STXBP6: variants seen among roughly 807,000 people sequenced by gnomAD.
The protein encoded by STXBP6 is syntaxin binding protein 6, also known as syntaxin-binding protein 6.
In STXBP6, 21 loss-of-function variants were observed where a neutral mutation model predicts 26.9. That is an observed-to-expected ratio of 0.78 (90% CI 0.55 to 1.12). The LOEUF (loss-of-function observed/expected upper bound fraction) is 1.12. Among genes scored for constraint, STXBP6 ranks in the 50% most tolerant of loss-of-function variants. The pLI is 0.00. For synonymous variants in STXBP6, 97 were observed against 92.6 expected, an observed-to-expected ratio of 1.05 and a Z score of -0.27; for missense variants, 232 against 257.9, an observed-to-expected ratio of 0.90 and a Z score of 0.69.
intron 2 of STXBP6, among the ~76,000 whole-genome samples, chr14:24,915,779 T>C (rs1306477358): frequency 6.6e-6 from 1 of 152,072 alleles, no homozygotes. Flanking sequence ...AATCAATCAC[T>C]CCCTCTCTCA....
intron 2 of STXBP6, among the ~76,000 whole-genome samples, chr14:24,964,851 T>C (rs533902708): frequency 6.6e-6 from 1 of 152,294 alleles, no homozygotes; most frequent in African/African-American, 2.4e-5. Context: ...TTAATTTTTC[T>C]TTTGATCCAG....
intron 2 of STXBP6, among the ~76,000 whole-genome samples, chr14:24,965,692 C>T (rs61978831): frequency 0.12 from 18,094 of 152,108 alleles, 1,195 homozygotes; most frequent in African/African-American, 0.18. Flanking sequence ...ATTTCAAAGA[C>T]ATGAAGAGCT....
At chr14:24,868,941 A>G (rs2069823522) in intron 2 of STXBP6, among the ~76,000 whole-genome samples, 2 of 152,158 alleles carry the variant, frequency 1.3e-5, no homozygotes, top group Non-Finnish European at 1.5e-5. Context: ...ATTGAACATC[A>G]CATTTTGCAT....
At chr14:24,914,601 G>T (rs143056637) in intron 2 of STXBP6, among the ~76,000 whole-genome samples, 301 of 152,218 alleles carry the variant, frequency 2.0e-3, no homozygotes, top group Non-Finnish European at 3.4e-3. Flanking sequence ...TATCCTGAAT[G>T]CCAGGGCCGC....
At chr14:24,859,700 A>G (rs1363140361) in intron 2 of STXBP6, among the ~76,000 whole-genome samples, 4 of 152,164 alleles carry the variant, frequency 2.6e-5, no homozygotes, top group African/African-American at 9.6e-5. Flanking sequence ...CAGTAATATC[A>G]TAGAGCTGCA....
intron 2 of STXBP6, among the ~76,000 whole-genome samples, chr14:24,891,574 A>G (rs1323965458): frequency 6.6e-6 from 1 of 152,260 alleles, no homozygotes; most frequent in East Asian, 1.9e-4. Flanking sequence ...AGAATTCCTT[A>G]TGAATACTAT....
chr14:24,940,257 A>G (rs898125040), intron 2 of STXBP6, among the ~76,000 whole-genome samples: 1 of 152,204 alleles, frequency 6.6e-6, no homozygotes, highest in Non-Finnish European at 1.5e-5. Context: ...GAAGCAAAGG[A>G]GAAGGATGGT....
chr14:24,915,055 G>C (rs2071711764), intron 2 of STXBP6, among the ~76,000 whole-genome samples: 1 of 152,096 alleles, frequency 6.6e-6, no homozygotes, highest in Non-Finnish European at 1.5e-5. Context: ...AGGAATCACA[G>C]ATGAGGACAA....
intron 2 of STXBP6, among the ~76,000 whole-genome samples, chr14:24,891,958 A>G (rs1045962498): frequency 1.3e-5 from 2 of 152,220 alleles, no homozygotes; most frequent in Non-Finnish European, 2.9e-5. Context: ...CAAGAGCCAC[A>G]TACCCTGGAA....
intron 4 of STXBP6, among the ~76,000 whole-genome samples, chr14:24,828,750 C>T (rs1197009944): frequency 6.6e-6 from 1 of 152,138 alleles, no homozygotes; most frequent in African/African-American, 2.4e-5. Flanking sequence ...TTGCATCTCC[C>T]AGGGGAAGAA....
At chr14:24,927,072 T>C (rs186339469) in intron 2 of STXBP6, among the ~76,000 whole-genome samples, 35 of 152,172 alleles carry the variant, frequency 2.3e-4, no homozygotes, top group Admixed American at 1.0e-3. Context: ...GGCAGAGAAA[T>C]AGAGGTATAA....
chr14:24,999,808 T>C (rs1174216584), intron 1 of STXBP6, among the ~76,000 whole-genome samples: 1 of 152,052 alleles, frequency 6.6e-6, no homozygotes, highest in Non-Finnish European at 1.5e-5. Flanking sequence ...AAAAACAAGT[T>C]CACAGGAGTA....
intron 2 of STXBP6, among the ~76,000 whole-genome samples, chr14:24,965,994 T>C (rs1183923188): frequency 1.3e-5 from 2 of 152,202 alleles, no homozygotes; most frequent in Non-Finnish European, 2.9e-5. Context: ...GCTGCCTTAG[T>C]TTGCAATCTC....
At chr14:24,905,110 GT>G (rs1261077464) in intron 2 of STXBP6, among the ~76,000 whole-genome samples, 2 of 152,088 alleles carry the variant, frequency 1.3e-5, no homozygotes, top group African/African-American at 4.8e-5. Context: ...ATCTTCCATG[GT>G]TTGTATAAGT....
At chr14:24,860,908 T>A (rs854335) in intron 2 of STXBP6, among the ~76,000 whole-genome samples, 3 of 150,760 alleles carry the variant, frequency 2.0e-5, no homozygotes, top group African/African-American at 4.9e-5. Context: ...ACAATCAGTA[T>A]ATACCACCTC....
At chr14:24,928,653 T>C (rs2072270800) in intron 2 of STXBP6, among the ~76,000 whole-genome samples, 1 of 152,090 alleles carries the variant, frequency 6.6e-6, no homozygotes, top group South Asian at 2.1e-4. Flanking sequence ...AGAGCCGAAA[T>C]CATTTAGTAT....
At chr14:24,833,041 C>A (rs2068503105) in intron 4 of STXBP6, among the ~76,000 whole-genome samples, 1 of 152,186 alleles carries the variant, frequency 6.6e-6, no homozygotes, top group Admixed American at 6.5e-5. Flanking sequence ...GATTTGAATT[C>A]CAGTCTGGTT....
chr14:24,965,210 T>A (rs2073695169), intron 2 of STXBP6, among the ~76,000 whole-genome samples: 1 of 151,636 alleles, frequency 6.6e-6, no homozygotes, highest in South Asian at 2.1e-4. Context: ...CAGAGGGGAA[T>A]GGGGAAAAAA....
At chr14:24,888,850 G>A (rs1044785058) in intron 2 of STXBP6, among the ~76,000 whole-genome samples, 25 of 152,062 alleles carry the variant, frequency 1.6e-4, no homozygotes, top group Non-Finnish European at 2.9e-4. Flanking sequence ...ACAGTTTAGG[G>A]TAGTGGCAAT....
Sources: gnomAD v4.1 joint callset for allele counts (sites outside exome capture counted in the v4.1 genomes callset) on GRCh38, gnomAD v4.1.1 for gene constraint, MANE v1.5 for transcripts, NCBI Gene and HGNC (gene_info 2026-07-23, HGNC 2026-07-21) for gene names.